Variants in CPA6 observed in about 807,000 individuals in gnomAD.
CPA6 encodes carboxypeptidase B.
Under a neutral mutation model 63.3 loss-of-function variants are expected in CPA6, and 58 were observed. The observed-to-expected ratio is 0.92, with a 90% CI of 0.74 to 1.14. The LOEUF (loss-of-function observed/expected upper bound fraction) is 1.14. CPA6 is among the 50% of genes most tolerant of loss of function. The pLI, the probability that CPA6 is intolerant of heterozygous loss-of-function variation, is 0.00. For synonymous variants in CPA6, 185 were observed against 179.0 expected (o/e 1.03, Z -0.27); for missense variants, 565 against 526.6 (o/e 1.07, Z -0.71).
intron 2 of CPA6, among the ~76,000 whole-genome samples, chr8:67,572,653 A>G (rs1166715843): frequency 6.6e-6 from 1 of 152,208 alleles, no homozygotes; most frequent in African/African-American, 2.4e-5. Flanking sequence ...TAAGACACCC[A>G]TTAAAGAAAA....
intron 2 of CPA6, among the ~76,000 whole-genome samples, chr8:67,519,442 G>A (rs534492919): frequency 0.013 from 1,954 of 152,302 alleles, 52 homozygotes; most frequent in African/African-American, 0.044. Flanking sequence ...ATAAGGTTTA[G>A]TAACTTTATC....
chr8:67,702,007 C>T (rs1817034442), intron 1 of CPA6, among the ~76,000 whole-genome samples: 1 of 152,042 alleles, frequency 6.6e-6, no homozygotes, highest in East Asian at 1.9e-4. Context: ...AGTAGGGGCT[C>T]TCCTACTCTC....
intron 2 of CPA6, among the ~76,000 whole-genome samples, chr8:67,593,867 C>T (rs1814210854): frequency 6.7e-6 from 1 of 148,404 alleles, no homozygotes; most frequent in Non-Finnish European, 1.5e-5. Context: ...TTAATTGGAG[C>T]ATTTAGTCCA....
At chr8:67,556,470 G>T (rs1252690186) in intron 2 of CPA6, among the ~76,000 whole-genome samples, 1 of 152,190 alleles carries the variant, frequency 6.6e-6, no homozygotes, top group South Asian at 2.1e-4. Flanking sequence ...CAGTAATCAT[G>T]TGTGTGACCT....
At chr8:67,659,268 C>T (rs1244742072) in intron 1 of CPA6, among the ~76,000 whole-genome samples, 1 of 152,176 alleles carries the variant, frequency 6.6e-6, no homozygotes, top group East Asian at 1.9e-4. Context: ...TCAGATTACA[C>T]CAGTCATCAG....
At chr8:67,485,375 T>C (rs961131275) in intron 6 of CPA6, among the ~76,000 whole-genome samples, 2 of 152,150 alleles carry the variant, frequency 1.3e-5, no homozygotes, top group African/African-American at 4.8e-5. Context: ...GTAATCCCTA[T>C]CCTAAGTTTG....
At chr8:67,504,219 G>T (rs550720732) in intron 6 of CPA6, among the ~76,000 whole-genome samples, 3 of 152,258 alleles carry the variant, frequency 2.0e-5, no homozygotes, top group African/African-American at 7.2e-5. Context: ...TCCTAGAAAG[G>T]CTGATAAGTT....
chr8:67,609,715 T>G (rs993052078), intron 2 of CPA6, among the ~76,000 whole-genome samples: 1 of 152,194 alleles, frequency 6.6e-6, no homozygotes, highest in African/African-American at 2.4e-5. Context: ...AGAGTCAGTC[T>G]TAGATTTGTT....
At chr8:67,436,147 G>A (rs1308932736) in intron 8 of CPA6, among the ~76,000 whole-genome samples, 1 of 152,174 alleles carries the variant, frequency 6.6e-6, no homozygotes, top group East Asian at 1.9e-4. Flanking sequence ...TTTCCCCAGT[G>A]TAGAGTGGGC....
At chr8:67,633,128 C>T (rs912506813) in intron 1 of CPA6, among the ~76,000 whole-genome samples, 1 of 152,112 alleles carries the variant, frequency 6.6e-6, no homozygotes, top group Admixed American at 6.5e-5. Context: ...ATCTTCTGGA[C>T]AGAATAAAAC....
intron 2 of CPA6, among the ~76,000 whole-genome samples, chr8:67,585,830 A>T (rs537391962): frequency 6.6e-6 from 1 of 152,278 alleles, no homozygotes; most frequent in South Asian, 2.1e-4. Context: ...CCATAGTCAC[A>T]AAGAGTTCTT....
At chr8:67,725,491 A>C (rs1563409675) in intron 1 of CPA6, among the ~76,000 whole-genome samples, 1 of 152,160 alleles carries the variant, frequency 6.6e-6, no homozygotes, top group Non-Finnish European at 1.5e-5. Context: ...AAGTCATTTT[A>C]CATCTACATT....
intron 2 of CPA6, among the ~76,000 whole-genome samples, chr8:67,551,624 T>A (rs1009957742): frequency 6.6e-6 from 1 of 152,252 alleles, no homozygotes; most frequent in Non-Finnish European, 1.5e-5. Context: ...TGTGGCTGTT[T>A]TAATGATATT....
chr8:67,475,844 TTTCTTTC>T (rs1190658862), intron 8 of CPA6, among the ~76,000 whole-genome samples: 2 of 92,404 alleles, frequency 2.2e-5, no homozygotes, highest in Non-Finnish European at 4.2e-5. Flanking sequence ...TCTTTCTTTC[TTTCTTTC>T]TTTCTTTCTT....
chr8:67,741,444 TC>T (rs2129004356), intron 1 of CPA6, among the ~76,000 whole-genome samples: 1 of 152,192 alleles, frequency 6.6e-6, no homozygotes, highest in East Asian at 1.9e-4. Flanking sequence ...GTCCCAAAAC[TC>T]CTGGCCACAG....
chr8:67,687,506 T>C (rs1336919978), intron 1 of CPA6, among the ~76,000 whole-genome samples: 1 of 151,748 alleles, frequency 6.6e-6, no homozygotes, highest in Non-Finnish European at 1.5e-5. Context: ...TGTTTATCAG[T>C]CCTGGGACCT....
At chr8:67,596,863 C>CA (rs992543721) in intron 2 of CPA6, among the ~76,000 whole-genome samples, 2 of 152,060 alleles carry the variant, frequency 1.3e-5, no homozygotes, top group Non-Finnish European at 2.9e-5. Flanking sequence ...ATATTTAAAA[C>CA]AATTTGGGTT....
chr8:67,595,573 G>A (rs1005803795), intron 2 of CPA6, among the ~76,000 whole-genome samples: 13 of 152,320 alleles, frequency 8.5e-5, no homozygotes, highest in Admixed American at 4.6e-4. Flanking sequence ...TTACCTAAGC[G>A]AGCCTGGGCA....
chr8:67,521,760 G>T (rs558812289), intron 2 of CPA6, among the ~76,000 whole-genome samples: 28 of 152,230 alleles, frequency 1.8e-4, no homozygotes, highest in African/African-American at 5.8e-4. Flanking sequence ...ATAAACAGTT[G>T]CAGGAAAGTT....
Sources: allele counts gnomAD v4.1 joint callset (sites outside exome capture counted in the v4.1 genomes callset), GRCh38; gene constraint gnomAD v4.1.1; transcripts MANE v1.5; gene names NCBI Gene and HGNC (gene_info 2026-07-23, HGNC 2026-07-21).